The following PTPRN2 variants were observed in gnomAD, a reference collection of about 807,000 sequenced individuals.
PTPRN2 encodes the protein protein tyrosine phosphatase receptor type N2, also known as receptor-type tyrosine-protein phosphatase N2.
In PTPRN2, 74 loss-of-function variants were observed where a neutral mutation model predicts 118.8. The ratio of observed to expected loss-of-function variants is 0.62; its 90% CI spans 0.52 to 0.76. The LOEUF (loss-of-function observed/expected upper bound fraction) is 0.76. Ranked by LOEUF, PTPRN2 falls within the 30% of genes least tolerant of loss-of-function variation. PTPRN2 has a pLI of 0.00. For synonymous variants in PTPRN2, 641 were observed against 608.0 expected (o/e 1.05, Z -0.80); for missense variants, 1,481 against 1,394.4 (o/e 1.06, Z -0.99).
At chr7:158,490,514 T>G (rs1821370925) in intron 1 of PTPRN2, among the ~76,000 whole-genome samples, 1 of 152,192 alleles carries the variant, frequency 6.6e-6, no homozygotes, top group African/African-American at 2.4e-5. Flanking sequence ...AAGGTTGGCG[T>G]TCGGCTCCAC....
At chr7:157,626,651 G>A (rs1275789144) in intron 14 of PTPRN2, among the ~76,000 whole-genome samples, 1 of 152,148 alleles carries the variant, frequency 6.6e-6, no homozygotes, top group Non-Finnish European at 1.5e-5. Context: ...TTCTTCTCAT[G>A]AGATTAATTT....
Position 157,619,523 on chromosome 7 carries a change from T to G in PTPRN2, c.2344+1839A>C, listed in dbSNP as rs993121822. ...AGGGCCGGTGCTTAGTAAATATCTG[T>G]TAGTTGGCTAATGGGATGTATTGTA... On this transcript the variant is annotated intron_variant, in intron 15 of 22. Transcript: ENST00000389418. The surrounding 1 kb of genome is among the most constrained non-coding windows in gnomAD (Gnocchi z 5.3). 3.7e-4 allele frequency among the ~76,000 whole-genome samples: 56 copies of G among 152,296 alleles called. 1 individual carries two copies. The highest frequency in any genetic ancestry group is 3.3e-3 in the Admixed American group (51 of 15,292).
chr7:158,132,831 TACAC>T (rs111663139), intron 9 of PTPRN2, among the ~76,000 whole-genome samples: 1 of 145,916 alleles, frequency 6.9e-6, no homozygotes, highest in Non-Finnish European at 1.5e-5. Flanking sequence ...CTACCCAACA[TACAC>T]ACTCATACAC....
In PTPRN2 at chr7:157,964,791, C is replaced by T. The variant is rs1405583958; in HGVS notation, c.1724-66054G>A. ...AAGGTTGGTGTGAAACCCCACCCCA[C>T]TCAACCCTGGCTGATCCCCATGGCC... On this transcript the variant is annotated intron_variant, in intron 11 of 22. Transcript: ENST00000389418. The surrounding 1 kb of genome is among the most constrained non-coding windows in gnomAD (Gnocchi z 9.0). 6.6e-6 allele frequency among the ~76,000 whole-genome samples: 1 copy of T among 152,238 alleles called. No homozygotes were observed. The highest frequency in any genetic ancestry group is 6.5e-5 in the Admixed American group (1 of 15,280).
chr7:158,102,754 AAGTGTGCACTTG>A lies in PTPRN2; in HGVS notation c.1643+8063_1643+8074del, dbSNP rs1276546920. Among the ~76,000 whole-genome samples the A allele has an allele frequency of 8.7e-3, 1,327 of 152,238 alleles. 26 individuals are homozygous for A. The highest frequency in any genetic ancestry group is 0.029 in the African/African-American group (1,216 of 41,556). On this transcript the variant is annotated intron_variant, in intron 10 of 22. Coordinates refer to ENST00000389418, the MANE Select transcript of PTPRN2 (RefSeq NM_002847.5). ...TGAATCACACTTGCACTTAAGATGC[AAGTGTGCACTTG>A]CACACTTCTCTGCAGTCACTGAGCC...
intron 12 of PTPRN2, among the ~76,000 whole-genome samples, chr7:157,841,615 C>T (rs570787264): frequency 2.0e-5 from 3 of 152,198 alleles, no homozygotes; most frequent in African/African-American, 7.2e-5. Flanking sequence ...CCTGGAAGGG[C>T]CCCCACCACG....
At chr7:157,802,774 G>T (rs577855387) in intron 12 of PTPRN2, among the ~76,000 whole-genome samples, 9 of 152,174 alleles carry the variant, frequency 5.9e-5, no homozygotes, top group African/African-American at 1.7e-4. Context: ...GTACAGAGAC[G>T]TATCTCATCG....
In PTPRN2 at chr7:157,693,283, G is replaced by A. The variant is rs902114749; in HGVS notation, c.1789-10346C>T. On this transcript the variant is annotated intron_variant, in intron 12 of 22. Transcript: ENST00000389418. ...CGTGTCTGATGTGTGTGTGCCCGTG[G>A]TGTTCCCGGGACTCCCCGCGGGGGC... Among the ~76,000 whole-genome samples the A allele has an allele frequency of 8.5e-5, 13 of 152,208 alleles. No individual in the cohort carries two copies. The South Asian group carries it at 1.0e-3, about 12-fold the overall frequency.
intron 11 of PTPRN2, among the ~76,000 whole-genome samples, chr7:158,004,549 T>C (rs1425467225): frequency 6.6e-6 from 1 of 152,218 alleles, no homozygotes; most frequent in Non-Finnish European, 1.5e-5. Flanking sequence ...TTACATTATA[T>C]TTCTCTGAGA....
chr7:157,891,742 G>A (rs528270554), intron 12 of PTPRN2, among the ~76,000 whole-genome samples: 69 of 152,276 alleles, frequency 4.5e-4, no homozygotes, highest in Admixed American at 7.8e-4. Context: ...ACAGAAGCCT[G>A]GACCTTGCTG....
chr7:158,216,842 T>C (rs1198571040), intron 3 of PTPRN2, among the ~76,000 whole-genome samples: 1 of 152,146 alleles, frequency 6.6e-6, no homozygotes, highest in Non-Finnish European at 1.5e-5. Flanking sequence ...CATGATAGAC[T>C]TAATGCTGGG....
intron 2 of PTPRN2, among the ~76,000 whole-genome samples, chr7:158,361,578 A>G (rs1477988967): frequency 6.6e-6 from 1 of 152,156 alleles, no homozygotes; most frequent in Non-Finnish European, 1.5e-5. Context: ...CTGAGACCCA[A>G]ACAGCCCTCC....
chr7:157,851,865 C>T (rs1042363771), intron 12 of PTPRN2, among the ~76,000 whole-genome samples: 5 of 152,364 alleles, frequency 3.3e-5, no homozygotes, highest in African/African-American at 7.2e-5. Context: ...AGCGCTCCCG[C>T]GCCTGCCCTA....
chr7:157,595,276 G>A lies in PTPRN2; in HGVS notation c.2458C>T (p.Gln820Ter). The A allele has an allele frequency of 6.2e-7, 1 of 1,614,224 alleles. No individual in the cohort carries two copies. Among genetic ancestry groups the A allele is most frequent in the Non-Finnish European group, 8.5e-7 (1 of 1,180,054 alleles). ...GCCACGGTGGCGGGCAGCGGTCCCT[G>A]GGTGGCGATGTACGCGGGGTTCCTC... ...DPRNPAYIAT[Q>*]GPLPATVADF... Residue 820 changes from glutamine to a stop codon, truncating the protein, a stop_gained, in exon 17 of 23, where the codon CAG becomes TAG. Transcript: ENST00000389418. LOFTEE classifies it high-confidence loss of function.
At chr7:158,447,059 G>T (rs1817773173) in intron 2 of PTPRN2, among the ~76,000 whole-genome samples, 1 of 152,220 alleles carries the variant, frequency 6.6e-6, no homozygotes, top group Admixed American at 6.5e-5. Flanking sequence ...GCCAACAGCA[G>T]CTCCAGGCAG....
intron 6 of PTPRN2, among the ~76,000 whole-genome samples, chr7:158,142,946 G>A (rs941110979): frequency 1.3e-5 from 2 of 152,090 alleles, no homozygotes; most frequent in East Asian, 1.9e-4. Context: ...ACAGCCCTCG[G>A]TGCTGTTTTG....
At chr7:157,765,366 A>C (rs1289676361) in intron 12 of PTPRN2, among the ~76,000 whole-genome samples, 1 of 144,872 alleles carries the variant, frequency 6.9e-6, no homozygotes, top group African/African-American at 2.6e-5. Context: ...TCACCCATCC[A>C]TCATCCACTC....
intron 2 of PTPRN2, among the ~76,000 whole-genome samples, chr7:158,348,608 C>T (rs1397387468): frequency 6.6e-6 from 1 of 152,160 alleles, no homozygotes; most frequent in African/African-American, 2.4e-5. Context: ...CTGGGCCAGG[C>T]CCCCAACACC....
chr7:158,503,644 A>G lies in PTPRN2; in HGVS notation c.113-13859T>C, dbSNP rs373460528. Among the ~76,000 whole-genome samples, 100 of 152,350 alleles carry G rather than the reference A, an allele frequency of 6.6e-4. 1 individual carries two copies. The South Asian group carries it at 0.02, about 31-fold the overall frequency. On this transcript the variant is annotated intron_variant, in intron 1 of 22. Coordinates refer to ENST00000389418, the MANE Select transcript of PTPRN2 (RefSeq NM_002847.5). ...CTCCTGGTTACGAACAAAAAGTTAC[A>G]GATATTAGTCATGTTACCATGGACA...
Sources: allele counts gnomAD v4.1 joint callset (sites outside exome capture counted in the v4.1 genomes callset), GRCh38; gene constraint gnomAD v4.1.1; non-coding constraint Gnocchi (gnomAD v3.1); transcripts MANE v1.5; gene names NCBI Gene and HGNC (gene_info 2026-07-23, HGNC 2026-07-21).